The following CACNA1C variants were observed in gnomAD, a reference collection of about 807,000 sequenced individuals.
CACNA1C encodes the protein voltage-dependent L-type calcium channel subunit alpha-1C.
CACNA1C carries 30 observed loss-of-function variants against 229.0 expected under a neutral mutation model. That is an observed-to-expected ratio of 0.13 (90% CI 0.10 to 0.18). The LOEUF (loss-of-function observed/expected upper bound fraction) is 0.18, where lower values mean the gene tolerates loss of function less well. CACNA1C is among the 10% of genes least tolerant of loss of function. CACNA1C has a pLI of 1.00. For synonymous variants in CACNA1C, 1,114 were observed against 1,132.5 expected, an observed-to-expected ratio of 0.98 and a Z score of 0.33; for missense variants, 1,658 against 2,845.0, an observed-to-expected ratio of 0.58 and a Z score of 9.49.
intron 3 of CACNA1C, among the ~76,000 whole-genome samples, chr12:2,256,227 A>C (rs1225695096): frequency 1.3e-5 from 2 of 152,164 alleles, no homozygotes; most frequent in Non-Finnish European, 2.9e-5. Flanking sequence ...CTACATTTTT[A>C]ACAAGCTTCA....
At chr12:2,687,968 C>G (rs1182102169) in intron 45 of CACNA1C, among the ~76,000 whole-genome samples, 1 of 152,238 alleles carries the variant, frequency 6.6e-6, no homozygotes, top group Non-Finnish European at 1.5e-5. Context: ...ACTGGTTTTC[C>G]CAACTCTTTG....
At chr12:2,166,636 T>C (rs532975524) in intron 3 of CACNA1C, among the ~76,000 whole-genome samples, 2 of 152,364 alleles carry the variant, frequency 1.3e-5, no homozygotes, top group East Asian at 3.9e-4. Context: ...AGCAATGTAA[T>C]GTATCCCTCA....
intron 5 of CACNA1C, among the ~76,000 whole-genome samples, chr12:2,475,065 C>T (rs984472422): frequency 1.3e-5 from 2 of 152,002 alleles, no homozygotes; most frequent in Non-Finnish European, 2.9e-5. Context: ...TTTGGTGGGC[C>T]GAGGCAGGCG....
chr12:2,673,501 C>T (rs2096653214), intron 38 of CACNA1C, among the ~76,000 whole-genome samples: 1 of 151,348 alleles, frequency 6.6e-6, no homozygotes, highest in Non-Finnish European at 1.5e-5. Context: ...CCGTTAGTAG[C>T]TCATGGTTTT....
intron 3 of CACNA1C, among the ~76,000 whole-genome samples, chr12:2,334,870 G>A (rs1317924134): frequency 6.6e-6 from 1 of 152,124 alleles, no homozygotes; most frequent in African/African-American, 2.4e-5. Context: ...GTCATGGTTT[G>A]GGGTTTCCAT....
At chr12:2,182,932 C>G (rs997965185) in intron 3 of CACNA1C, among the ~76,000 whole-genome samples, 1 of 152,052 alleles carries the variant, frequency 6.6e-6, no homozygotes, top group Admixed American at 6.5e-5. Context: ...CTTAGTCCAC[C>G]GGATGCCAGG....
chr12:2,624,295 A>C (rs1012224394), intron 29 of CACNA1C, among the ~76,000 whole-genome samples: 2 of 152,224 alleles, frequency 1.3e-5, no homozygotes, highest in Non-Finnish European at 2.9e-5. Flanking sequence ...TGAAAGTCCC[A>C]CAACGTGTGA....
At position 2,071,172 on chromosome 12, in the gene CACNA1C, C is replaced by CCTGCCTG. The variant is rs2061184795; in HGVS notation, c.49+17562_49+17563insTGCCTGC. On this transcript the variant is annotated intron_variant, in intron 1 of 46. Transcript: ENST00000399655. ...TCCCTCCCTCCCTCCCTCCCTCCCT[C>CCTGCCTG]CCTGCCTGCCTGCCTGCCTGCCTGC... Among the ~76,000 whole-genome samples the CCTGCCTG allele has an allele frequency of 5.5e-3, 88 of 16,040 alleles. 22 individuals are homozygous for CCTGCCTG. Among genetic ancestry groups the CCTGCCTG allele is most frequent in the Non-Finnish European group, 7.6e-3 (66 of 8,694 alleles). 10.5% of individuals were successfully genotyped at this position (16,040 alleles called of 152,430 possible).
intron 3 of CACNA1C, among the ~76,000 whole-genome samples, chr12:2,164,143 G>GT (rs1484718876): frequency 6.6e-6 from 1 of 152,092 alleles, no homozygotes; most frequent in Non-Finnish European, 1.5e-5. Context: ...TGACCTCATT[G>GT]TTTGTCATCC....
At chr12:2,171,422 A>G (rs998202555) in intron 3 of CACNA1C, among the ~76,000 whole-genome samples, 4 of 152,156 alleles carry the variant, frequency 2.6e-5, no homozygotes, top group African/African-American at 9.7e-5. Flanking sequence ...GCGAGGAGGG[A>G]TGAGCATTCT....
rs367902549 is a variant in CACNA1C, at chr12:2,041,388, C to T, written c.139+70187C>T. ...GCCTCCCAGGTTCATGCCATTCTCC[C>T]GCCTCAGCCTCCCGAGTAGCTGGGA... On this transcript the variant is annotated intron_variant, in intron 1 of 46. Transcript: ENST00000682462. Among the ~76,000 whole-genome samples the T allele has an allele frequency of 5.8e-3, 865 of 149,878 alleles. 13 individuals are homozygous for T. The highest frequency in any genetic ancestry group is 0.035 in the South Asian group (166 of 4,742).
rs75119320 is a variant in CACNA1C, at chr12:2,149,274, C to T, written c.477+28844C>T. On this transcript the variant is annotated intron_variant, in intron 3 of 46. Transcript: ENST00000399655. Reference sequence around the variant, plus strand: ...ATGAGTGCACATGTTCAGACTCATGCCAGGCCAGTGTGAAGAATCAAGCTG... The same window carrying T: ...ATGAGTGCACATGTTCAGACTCATGTCAGGCCAGTGTGAAGAATCAAGCTG... 9.3e-4 allele frequency among the ~76,000 whole-genome samples: 142 copies of T among 152,248 alleles called. 2 individuals are homozygous for T. In the East Asian group the frequency reaches 0.022, roughly 24 times the overall value.
At chr12:2,554,699 G>C (rs2043115847) in intron 10 of CACNA1C, among the ~76,000 whole-genome samples, 1 of 152,186 alleles carries the variant, frequency 6.6e-6, no homozygotes, top group Non-Finnish European at 1.5e-5. Context: ...CTCCCAGGAG[G>C]CAAAGAGGTC....
At chr12:2,218,711 A>G (rs1363611955) in intron 3 of CACNA1C, among the ~76,000 whole-genome samples, 1 of 152,224 alleles carries the variant, frequency 6.6e-6, no homozygotes, top group Non-Finnish European at 1.5e-5. Flanking sequence ...GGCTACTGTA[A>G]TACGTGAAAT....
In CACNA1C at chr12:2,410,937, T is replaced by C. The variant is rs998315735; in HGVS notation, c.478-38039T>C. On this transcript the variant is annotated intron_variant, in intron 3 of 46. Transcript: ENST00000399655. The surrounding 1 kb of genome is among the most constrained non-coding windows in gnomAD (Gnocchi z 5.3). ...TGGCTGCCTCCCATTGTGACATGGA[T>C]TTTTCTCTCATCTTTCTCTCCCTAC... is the stretch of plus-strand genomic sequence containing the variant. Among the ~76,000 whole-genome samples the C allele has an allele frequency of 6.6e-6, 1 of 151,978 alleles. No individual in the cohort carries two copies. Among genetic ancestry groups the C allele is most frequent in the African/African-American group, 2.4e-5 (1 of 41,334 alleles).
intron 10 of CACNA1C, among the ~76,000 whole-genome samples, chr12:2,554,664 T>C (rs2043101743): frequency 6.6e-6 from 1 of 152,168 alleles, no homozygotes; most frequent in South Asian, 2.1e-4. Context: ...CAGGAGCACC[T>C]TTCCAGCCCA....
chr12:2,378,784 T>TCCTC (rs1434590902), intron 3 of CACNA1C, among the ~76,000 whole-genome samples: 1 of 70,640 alleles, frequency 1.4e-5, no homozygotes, highest in Non-Finnish European at 3.9e-5. Context: ...TTTGGGTCCT[T>TCCTC]CCTTCCTTCC....
chr12:2,127,409 C>T (rs909600122), intron 3 of CACNA1C, among the ~76,000 whole-genome samples: 2 of 152,208 alleles, frequency 1.3e-5, no homozygotes, highest in Admixed American at 6.5e-5. Context: ...GGCTTTCATG[C>T]ATCAACAATA....
intron 3 of CACNA1C, among the ~76,000 whole-genome samples, chr12:2,372,171 A>C (rs2097886942): frequency 6.6e-6 from 1 of 152,218 alleles, no homozygotes; most frequent in African/African-American, 2.4e-5. Flanking sequence ...CCCAAGTTTG[A>C]TGATGTCCTC....
Sources: allele counts gnomAD v4.1 joint callset (sites outside exome capture counted in the v4.1 genomes callset), GRCh38; gene constraint gnomAD v4.1.1; non-coding constraint Gnocchi (gnomAD v3.1); transcripts MANE v1.5; gene names NCBI Gene and HGNC (gene_info 2026-07-23, HGNC 2026-07-21).